MARCHF1: variants seen among roughly 807,000 people sequenced by gnomAD.
MARCHF1 encodes the protein membrane associated ring-CH-type finger 1.
MARCHF1 carries 40 observed loss-of-function variants against 54.2 expected under a neutral mutation model. The observed-to-expected ratio is 0.74, with a 90% CI of 0.57 to 0.96. MARCHF1 has a LOEUF of 0.96. MARCHF1 is among the 40% of genes least tolerant of loss of function. MARCHF1 has a pLI of 0.00. For synonymous variants in MARCHF1, 236 were observed against 236.3 expected, an observed-to-expected ratio of 1.00 and a Z score of 0.01; for missense variants, 586 against 656.5, an observed-to-expected ratio of 0.89 and a Z score of 1.17.
chr4:164,203,323 G>T (rs967097071), intron 1 of MARCHF1, among the ~76,000 whole-genome samples: 1 of 152,224 alleles, frequency 6.6e-6, no homozygotes, highest in Non-Finnish European at 1.5e-5. Context: ...GAGAGAGAGA[G>T]ATAGAGAGAG....
At chr4:163,970,951 G>T (rs1337568060) in intron 3 of MARCHF1, among the ~76,000 whole-genome samples, 1 of 152,072 alleles carries the variant, frequency 6.6e-6, no homozygotes, top group African/African-American at 2.4e-5. Flanking sequence ...GCAACAATTG[G>T]AACTAGGCAC....
chr4:164,226,724 A>G (rs1732266040), intron 1 of MARCHF1, among the ~76,000 whole-genome samples: 1 of 152,054 alleles, frequency 6.6e-6, no homozygotes. Flanking sequence ...GTACAGATAC[A>G]TTGCAAACAG....
In MARCHF1 at chr4:163,991,758, G is replaced by A. The variant is rs112700015; in HGVS notation, c.-247-3049C>T. On this transcript the variant is annotated intron_variant, in intron 2 of 9. Transcript: ENST00000514618. ...CTATAATTACTGTTGAAATCATCCTGGAACATTCACTCTTCACTGACTACT... is the reference window on the plus strand; with the variant it reads ...CTATAATTACTGTTGAAATCATCCTAGAACATTCACTCTTCACTGACTACT... Among the ~76,000 whole-genome samples, 1,207 of 152,184 alleles carry A rather than the reference G, an allele frequency of 7.9e-3. 19 individuals are homozygous for A. Among genetic ancestry groups the A allele is most frequent in the African/African-American group, 0.027 (1,128 of 41,522 alleles).
intron 2 of MARCHF1, among the ~76,000 whole-genome samples, chr4:164,022,834 A>G (rs1316275631): frequency 6.6e-6 from 1 of 152,126 alleles, no homozygotes; most frequent in Non-Finnish European, 1.5e-5. Context: ...CCTGCTCACT[A>G]GCCACTCCTA....
chr4:164,286,358 C>G (rs575471959), intron 1 of MARCHF1, among the ~76,000 whole-genome samples: 7 of 152,054 alleles, frequency 4.6e-5, no homozygotes, highest in Admixed American at 6.5e-5. Flanking sequence ...TAAATCAATT[C>G]TCAACATTTT....
intron 1 of MARCHF1, among the ~76,000 whole-genome samples, chr4:164,342,404 T>G (rs1729955118): frequency 6.6e-6 from 1 of 151,854 alleles, no homozygotes; most frequent in Non-Finnish European, 1.5e-5. Flanking sequence ...ATTATGGAGG[T>G]TCCTCAACTA....
intron 1 of MARCHF1, among the ~76,000 whole-genome samples, chr4:164,351,315 A>G (rs889676388): frequency 6.6e-6 from 1 of 151,246 alleles, no homozygotes; most frequent in African/African-American, 2.4e-5. Flanking sequence ...GGCAGGGCAC[A>G]GTCAAACAAA....
intron 1 of MARCHF1, among the ~76,000 whole-genome samples, chr4:164,216,140 A>C (rs553455867): frequency 6.6e-6 from 1 of 152,330 alleles, no homozygotes; most frequent in South Asian, 2.1e-4. Flanking sequence ...AACAAACAAA[A>C]AAATCTGTCT....
chr4:164,377,798 A>G (rs1220178481), intron 1 of MARCHF1, among the ~76,000 whole-genome samples: 2 of 152,238 alleles, frequency 1.3e-5, no homozygotes, highest in African/African-American at 2.4e-5. Flanking sequence ...GTCTCAATAT[A>G]AAATGGCACA....
chr4:164,297,144 G>T (rs1298611117), intron 1 of MARCHF1, among the ~76,000 whole-genome samples: 2 of 152,214 alleles, frequency 1.3e-5, no homozygotes, highest in East Asian at 1.9e-4. Context: ...ATGTAAAAAT[G>T]GTAGGTACTA....
In MARCHF1 at chr4:164,227,676, A is replaced by T. The variant is rs1161778369; in HGVS notation, c.-322-116014T>A. On this transcript the variant is annotated intron_variant, in intron 1 of 9. Transcript: ENST00000514618. ...AAGAGGAGCACTCTCGCAATCTCAC[A>T]TATTTCGCGCCATGTGCTTCTTGTA... Among the ~76,000 whole-genome samples the T allele has an allele frequency of 1.9e-4, 29 of 152,142 alleles. 1 individual carries two copies.
chr4:164,163,708 G>T (rs972572792), intron 1 of MARCHF1, among the ~76,000 whole-genome samples: 3 of 151,716 alleles, frequency 2.0e-5, no homozygotes, highest in Admixed American at 6.6e-5. Context: ...AAAATTAGTG[G>T]AACACATAAG....
intron 1 of MARCHF1, among the ~76,000 whole-genome samples, chr4:164,220,822 A>T (rs1212959527): frequency 6.7e-6 from 1 of 149,880 alleles, no homozygotes; most frequent in African/African-American, 2.4e-5. Context: ...CTTTTAGAAA[A>T]TTGTACTTTG....
At chr4:164,255,753 A>T (rs1433289425) in intron 1 of MARCHF1, among the ~76,000 whole-genome samples, 1 of 152,150 alleles carries the variant, frequency 6.6e-6, no homozygotes, top group Non-Finnish European at 1.5e-5. Context: ...AGCCTAAAAT[A>T]TATAAAGAAA....
At chr4:163,781,421 T>C (rs1479929114) in intron 4 of MARCHF1, among the ~76,000 whole-genome samples, 3 of 152,172 alleles carry the variant, frequency 2.0e-5, no homozygotes, top group Admixed American at 2.0e-4. Context: ...CCATTTTCTG[T>C]ACCTGAGCCC....
chr4:164,315,228 T>TAAAAAAA (rs1373455909), intron 1 of MARCHF1, among the ~76,000 whole-genome samples: 1 of 55,558 alleles, frequency 1.8e-5, no homozygotes, highest in Non-Finnish European at 3.7e-5. Context: ...TGGGTTAATT[T>TAAAAAAA]AACAAAAAAA....
rs76009227 is a variant in MARCHF1, at chr4:163,855,378, C to T, written c.-38-1209G>A. Among the ~76,000 whole-genome samples the T allele has an allele frequency of 1.0e-3, 157 of 152,208 alleles. 1 individual carries two copies. Among genetic ancestry groups the T allele is most frequent in the African/African-American group, 3.6e-3 (150 of 41,572 alleles). On this transcript the variant is annotated intron_variant, in intron 3 of 9. Coordinates refer to ENST00000514618, the MANE Select transcript of MARCHF1 (RefSeq NM_001394959.1). ...TGGGCAACAAATTATTAGTGCTTGG[C>T]CTTTCAAACACATTGCTTGAGATTT...
intron 3 of MARCHF1, chr4:163,933,049 A>G (rs373093057): frequency 2.7e-6 from 4 of 1,479,500 alleles, no homozygotes; most frequent in East Asian, 2.6e-5. Flanking sequence ...TCTGTATTTT[A>G]CTATGAGATT....
chr4:164,186,212 C>G (rs545802368), intron 1 of MARCHF1, among the ~76,000 whole-genome samples: 2 of 152,188 alleles, frequency 1.3e-5, no homozygotes, highest in South Asian at 2.1e-4. Context: ...TTTTAATAAT[C>G]GTTGAAAATG....
Sources: gnomAD v4.1 joint callset for allele counts (sites outside exome capture counted in the v4.1 genomes callset) on GRCh38, gnomAD v4.1.1 for gene constraint, MANE v1.5 for transcripts, NCBI Gene and HGNC (gene_info 2026-07-23, HGNC 2026-07-21) for gene names.